Variants in ABCA1 observed in about 807,000 individuals in gnomAD.
ABCA1 encodes ATP binding cassette subfamily A member 1, also known as phospholipid-transporting ATPase ABCA1.
ABCA1 carries 133 observed loss-of-function variants against 262.5 expected under a neutral mutation model. The ratio of observed to expected loss-of-function variants is 0.51; its 90% CI spans 0.44 to 0.59. The LOEUF (loss-of-function observed/expected upper bound fraction) is 0.59, where lower values mean the gene tolerates loss of function less well. Among genes scored for constraint, ABCA1 ranks in the 20% least tolerant of loss-of-function variants. The pLI, the probability that ABCA1 is intolerant of heterozygous loss-of-function variation, is 0.00. For synonymous variants in ABCA1, 1,022 were observed against 1,043.5 expected, an observed-to-expected ratio of 0.98 and a Z score of 0.40; for missense variants, 2,452 against 2,777.5, an observed-to-expected ratio of 0.88 and a Z score of 2.63.
intron 3 of ABCA1, among the ~76,000 whole-genome samples, chr9:104,887,560 G>A (rs1334608613): frequency 6.6e-6 from 1 of 151,990 alleles, no homozygotes; most frequent in Non-Finnish European, 1.5e-5. Flanking sequence ...TGAAAAAACT[G>A]AGTTTGCCCT....
At chr9:104,875,473 A>G (rs918038010) in intron 5 of ABCA1, among the ~76,000 whole-genome samples, 1 of 151,998 alleles carries the variant, frequency 6.6e-6, no homozygotes, top group African/African-American at 2.4e-5. Flanking sequence ...GAAACTCCAT[A>G]CTCAGTCGGG....
At chr9:104,819,452 C>G in intron 22 of ABCA1, 134 bp downstream of exon 22, 2 of 1,294,880 alleles carry the variant, frequency 1.5e-6, no homozygotes, top group Non-Finnish European at 2.2e-6. Context: ...TCTCAATGCC[C>G]TTTATCTCTT....
At position 104,801,568 on chromosome 9, in the gene ABCA1, T is replaced by C. The variant is rs1201912705; in HGVS notation, c.4698+486A>G. Among the ~76,000 whole-genome samples, 5 of 150,152 alleles carry C rather than the reference T, an allele frequency of 3.3e-5. No homozygotes were observed. The Middle Eastern group carries it at 0.011, about 319-fold the overall frequency. Reference sequence around the variant, plus strand: ...ATTTAATTTGTTTTTTGAGATGGAGTTTTGCTCTTGTTGCCCAGGCTGGAG... The same window carrying C: ...ATTTAATTTGTTTTTTGAGATGGAGCTTTGCTCTTGTTGCCCAGGCTGGAG... On this transcript the variant is annotated intron_variant, in intron 34 of 49. Transcript: ENST00000374736.
intron 2 of ABCA1, among the ~76,000 whole-genome samples, chr9:104,891,062 T>C (rs529725540): frequency 6.6e-6 from 1 of 152,226 alleles, no homozygotes; most frequent in Non-Finnish European, 1.5e-5. Flanking sequence ...ACATAAAATA[T>C]AATCTTAAAA....
intron 31 of ABCA1, 141 bp downstream of exon 31, chr9:104,806,100 G>A (rs527952009): frequency 3.2e-5 from 28 of 866,050 alleles, no homozygotes; most frequent in East Asian, 1.1e-4. Flanking sequence ...GCAAGACTCC[G>A]CCTCAGAAAA....
At position 104,840,299 on chromosome 9, in the gene ABCA1, G is replaced by A; in HGVS notation, c.1034C>T (p.Thr345Ile). Residue 345 changes from threonine to isoleucine, a missense_variant, in exon 9 of 50, where the codon ACC (threonine) becomes ATC (isoleucine). Thr to Ile is a moderately conservative substitution (Grantham distance 89). This residue lies in a region of ABCA1 where 1,032 missense variants were observed against 1,089.7 expected (regional missense o/e 0.95). Transcript: ENST00000374736. ...GGNGTEEDAE[T>I]FYDNSTTPYC... ...CTCACTTGTAGAGTTGTCATAGAAGGTTTCAGCATCTTCCTCAGTGCCATT... is the reference window on the plus strand; with the variant it reads ...CTCACTTGTAGAGTTGTCATAGAAGATTTCAGCATCTTCCTCAGTGCCATT... 1.2e-6 allele frequency: 2 copies of A among 1,614,208 alleles called. No homozygotes were observed. The highest frequency in any genetic ancestry group is 1.7e-6 in the Non-Finnish European group (2 of 1,180,034).
At chr9:104,893,924 G>T (rs986775142) in intron 2 of ABCA1, among the ~76,000 whole-genome samples, 1 of 152,178 alleles carries the variant, frequency 6.6e-6, no homozygotes, top group Non-Finnish European at 1.5e-5. Context: ...GCCAATATTG[G>T]GCAGCTACTG....
At chr9:104,841,968 C>G (rs1009134943) in intron 8 of ABCA1, among the ~76,000 whole-genome samples, 1 of 152,172 alleles carries the variant, frequency 6.6e-6, no homozygotes, top group Admixed American at 6.5e-5. Flanking sequence ...GTGTTCACAC[C>G]GCCTGGGAAG....
chr9:104,829,943 T>TAAACACACAC (rs1285353725), intron 14 of ABCA1, among the ~76,000 whole-genome samples: 2 of 140,802 alleles, frequency 1.4e-5, no homozygotes, highest in Admixed American at 1.4e-4. Flanking sequence ...TCCTGATCCC[T>TAAACACACAC]ACACACACAC....
Position 104,796,337 on chromosome 9 carries a change from C to T in ABCA1, c.5209G>A (p.Val1737Met). 6.2e-7 allele frequency: 1 copy of T among 1,614,208 alleles called. No homozygotes were observed. The highest frequency in any genetic ancestry group is 8.5e-7 in the Non-Finnish European group (1 of 1,180,020). The change falls in exon 38 of 50, where the codon GTG becomes ATG. Residue 1737 changes from valine to methionine, a missense_variant. By Grantham distance (21) the Val-to-Met change is conservative. Transcript: ENST00000374736. ...TACAGCAAAAGTAGAAGGGCTAGCA[C>T]AGGCAGATTGGTGGAGGACACATAG... ...KSYVSSTNLP[V>M]LALLLLLYGW... is the part of the protein sequence containing the mutation.
At chr9:104,877,525 A>C (rs1304825549) in intron 5 of ABCA1, among the ~76,000 whole-genome samples, 4 of 152,268 alleles carry the variant, frequency 2.6e-5, no homozygotes, top group Non-Finnish European at 5.9e-5. Flanking sequence ...TTCACCAAAG[A>C]AAGTTCCAAT....
rs528542843 is a variant in ABCA1, at chr9:104,814,588, G to A, written c.3739-113C>T. The A allele has an allele frequency of 4.6e-6, 5 of 1,076,078 alleles. No homozygotes were observed. In the South Asian group the frequency reaches 6.5e-5, roughly 14 times the overall value. The allele number at this position is 1,076,078 out of a possible 1,614,324, so 66.7% of individuals were successfully genotyped here. A position where few individuals can be genotyped will look rare whatever the true frequency, so the allele number is the denominator to read the frequency against. On this transcript the variant is annotated intron_variant, in intron 25 of 49. Transcript: ENST00000374736. The stretch of plus-strand genomic sequence containing the variant: ...ATGTTAGCCCCGTAAGACAGAGAAA[G>A]TAGAAGCCACATTTCTTAATAACAC...
chr9:104,806,409 C>T lies in ABCA1; in HGVS notation c.4296G>A (p.Gly1432=). 1 of 1,614,154 alleles carries T rather than the reference C, an allele frequency of 6.2e-7. No individual in the cohort carries two copies. Residue 1432 remains glycine, a synonymous_variant, in exon 31 of 50, where the codon GGG becomes GGA. Coordinates refer to ENST00000374736, the MANE Select transcript of ABCA1 (RefSeq NM_005502.4). ...NPIPDTPCQA[G]EEEWTTAPVP... ...CTGGGGCAGTGGTCCACTCTTCCTC[C>T]CCTGCCTGGCAGGGCGTGTCTCTGC... is the stretch of plus-strand genomic sequence containing the variant.
intron 7 of ABCA1, among the ~76,000 whole-genome samples, chr9:104,848,608 C>T (rs1257526211): frequency 7.0e-6 from 1 of 143,414 alleles, no homozygotes; most frequent in African/African-American, 2.6e-5. Flanking sequence ...GAGTGAGACT[C>T]GGTCTCAGAA....
chr9:104,892,873 T>C (rs76764024), intron 2 of ABCA1, among the ~76,000 whole-genome samples: 1,781 of 152,278 alleles, frequency 0.012, 44 homozygotes, highest in African/African-American at 0.041. Context: ...TTGCAAAATA[T>C]TGGAAACAAC....
chr9:104,796,003 G>C, intron 39 of ABCA1, 50 bp downstream of exon 39: 1 of 1,610,520 alleles, frequency 6.2e-7, no homozygotes, highest in Non-Finnish European at 8.5e-7. Flanking sequence ...CTGTCCTCTG[G>C]CTCCCAGAGA....
intron 7 of ABCA1, among the ~76,000 whole-genome samples, chr9:104,852,537 C>A (rs577682618): frequency 2.0e-5 from 3 of 152,224 alleles, no homozygotes; most frequent in African/African-American, 7.2e-5. Context: ...GATCTGGCAA[C>A]AATATTTAAT....
intron 2 of ABCA1, among the ~76,000 whole-genome samples, chr9:104,901,642 G>A (rs2118420431): frequency 6.6e-6 from 1 of 152,328 alleles, no homozygotes; most frequent in Non-Finnish European, 1.5e-5. Flanking sequence ...GGCAAGGAAG[G>A]AGTCAGAAAC....
At chr9:104,912,950 C>T (rs1026663862) in intron 1 of ABCA1, among the ~76,000 whole-genome samples, 100 of 152,252 alleles carry the variant, frequency 6.6e-4, no homozygotes, top group African/African-American at 2.4e-3. Context: ...TATCAGCAAC[C>T]CTTTATTTGC....
Sources: gnomAD v4.1 joint callset for allele counts (sites outside exome capture counted in the v4.1 genomes callset) on GRCh38, gnomAD v4.1.1 for gene constraint, gnomAD v4.1.1 regional missense constraint, MANE v1.5 for transcripts, NCBI Gene and HGNC (gene_info 2026-07-23, HGNC 2026-07-21) for gene names.